Variants in EYS observed in about 807,000 individuals in gnomAD.
EYS encodes the protein protein eyes shut homolog.
In EYS, 250 loss-of-function variants were observed where a neutral mutation model predicts 282.1. The observed-to-expected ratio is 0.89, with a 90% confidence interval of 0.80 to 0.98. The LOEUF is 0.98. Among genes scored for constraint, EYS ranks in the 50% least tolerant of loss-of-function variants. EYS has a pLI of 0.00. For missense variants in EYS, 4,016 were observed against 3,709.0 expected (o/e 1.08, Z -2.15); for synonymous variants, 1,355 against 1,282.9 (o/e 1.06, Z -1.20).
intron 40 of EYS, among the ~76,000 whole-genome samples, chr6:63,774,231 C>T (rs560628553): frequency 3.3e-5 from 5 of 151,584 alleles, no homozygotes; most frequent in African/African-American, 1.2e-4. Context: ...TGCAGTGGTG[C>T]GATCTCAGCT....
At chr6:64,150,587 A>G (rs1312179439) in intron 31 of EYS, among the ~76,000 whole-genome samples, 3 of 152,230 alleles carry the variant, frequency 2.0e-5, no homozygotes, top group African/African-American at 7.2e-5. Context: ...GATTACTTAA[A>G]AAGTGAAAAT....
chr6:64,827,069 T>A (rs1206885210), intron 19 of EYS, among the ~76,000 whole-genome samples: 1 of 151,786 alleles, frequency 6.6e-6, no homozygotes, highest in Non-Finnish European at 1.5e-5. Context: ...CAAATCTGAA[T>A]CTCTGAGAAA....
chr6:64,342,500 C>T (rs1023396253), intron 29 of EYS, among the ~76,000 whole-genome samples: 1 of 151,950 alleles, frequency 6.6e-6, no homozygotes, highest in South Asian at 2.1e-4. Flanking sequence ...AAATACTTTA[C>T]AAACAAGCAA....
chr6:64,731,796 C>A (rs1771979073), intron 22 of EYS, among the ~76,000 whole-genome samples: 1 of 152,172 alleles, frequency 6.6e-6, no homozygotes, highest in Non-Finnish European at 1.5e-5. Context: ...TTTGATCCAG[C>A]AATCCCATTA....
intron 34 of EYS, among the ~76,000 whole-genome samples, chr6:63,993,073 C>G (rs925813259): frequency 1.3e-5 from 2 of 151,756 alleles, no homozygotes; most frequent in African/African-American, 4.8e-5. Context: ...CATTAACAAA[C>G]TGGAAGATAA....
chr6:64,058,928 C>CTTCA (rs1771073376), intron 33 of EYS, among the ~76,000 whole-genome samples: 4 of 57,702 alleles, frequency 6.9e-5, no homozygotes, highest in Non-Finnish European at 1.2e-4. Flanking sequence ...AATCTGGAGT[C>CTTCA]TTAGCATACA....
intron 12 of EYS, among the ~76,000 whole-genome samples, chr6:65,148,046 T>G (rs780901510): frequency 1.3e-5 from 2 of 151,980 alleles, no homozygotes; most frequent in African/African-American, 2.4e-5. Context: ...GAACCACAAT[T>G]CAAGATGAGA....
chr6:64,750,631 G>T (rs1319882072), intron 22 of EYS, among the ~76,000 whole-genome samples: 5 of 152,134 alleles, frequency 3.3e-5, no homozygotes, highest in African/African-American at 1.2e-4. Context: ...AGCATAAGAA[G>T]AATTTCTAGG....
Position 65,377,841 on chromosome 6 carries a change from C to T in EYS, c.1299+6545G>A, listed in dbSNP as rs184587653. The stretch of plus-strand genomic sequence containing the variant: ...ACATCCTCCCAGGAGGAAGAAAATC[C>T]GTAACTAAACCACGAAGAAGTCAAA... On this transcript the variant is annotated intron_variant, in intron 8 of 42. Transcript: ENST00000503581. Among the ~76,000 whole-genome samples, 350 of 151,932 alleles carry T rather than the reference C, an allele frequency of 2.3e-3. 2 individuals are homozygous for T. Among genetic ancestry groups the T allele is most frequent in the African/African-American group, 7.7e-3 (319 of 41,478 alleles).
At chr6:64,730,523 G>C (rs974614694) in intron 22 of EYS, among the ~76,000 whole-genome samples, 5 of 152,112 alleles carry the variant, frequency 3.3e-5, no homozygotes, top group Non-Finnish European at 5.9e-5. Flanking sequence ...TCTCTCGCCA[G>C]GCTGGAGTGC....
intron 41 of EYS, among the ~76,000 whole-genome samples, chr6:63,749,071 T>C (rs1383086498): frequency 1.3e-5 from 2 of 152,218 alleles, no homozygotes; most frequent in Admixed American, 6.5e-5. Context: ...TTAGTTGTGA[T>C]GTTAGGTTGT....
intron 12 of EYS, among the ~76,000 whole-genome samples, chr6:65,178,274 G>A (rs1337402283): frequency 6.6e-6 from 1 of 151,906 alleles, no homozygotes; most frequent in Non-Finnish European, 1.5e-5. Context: ...TTGCTCCCTT[G>A]CAACGTACTG....
intron 13 of EYS, among the ~76,000 whole-genome samples, chr6:65,029,483 TGAC>T (rs1442927238): frequency 1.3e-5 from 2 of 152,172 alleles, no homozygotes; most frequent in African/African-American, 2.4e-5. Context: ...TAGGTTTAAA[TGAC>T]ATGGGTCTAT....
chr6:64,896,926 G>A (rs924342439), intron 18 of EYS, among the ~76,000 whole-genome samples: 1 of 152,144 alleles, frequency 6.6e-6, no homozygotes, highest in Non-Finnish European at 1.5e-5. Context: ...TCTGGGCAGG[G>A]CATCTCTGAA....
intron 12 of EYS, among the ~76,000 whole-genome samples, chr6:65,276,566 C>T (rs931293060): frequency 6.6e-6 from 1 of 152,092 alleles, no homozygotes; most frequent in Non-Finnish European, 1.5e-5. Context: ...TGTTTTACAA[C>T]AGAGGTAAGG....
At chr6:64,197,506 T>C (rs766493926) in intron 31 of EYS, among the ~76,000 whole-genome samples, 6 of 152,202 alleles carry the variant, frequency 3.9e-5, no homozygotes, top group Non-Finnish European at 5.9e-5. Flanking sequence ...TTTGAATTCT[T>C]AAGTTCACTT....
intron 12 of EYS, among the ~76,000 whole-genome samples, chr6:65,168,305 T>C (rs973635872): frequency 7.9e-5 from 12 of 151,218 alleles, no homozygotes; most frequent in African/African-American, 2.9e-4. Context: ...TGGCTTGAAA[T>C]GGTCCTGTAG....
At chr6:63,998,789 G>A (rs1365057462) in intron 34 of EYS, among the ~76,000 whole-genome samples, 6 of 126,744 alleles carry the variant, frequency 4.7e-5, no homozygotes, top group Non-Finnish European at 8.4e-5. Flanking sequence ...CTCTGGAGCT[G>A]TCTTTTTTTT....
chr6:65,395,881 A>G (rs1766261957), intron 7 of EYS, among the ~76,000 whole-genome samples: 1 of 152,158 alleles, frequency 6.6e-6, no homozygotes, highest in African/African-American at 2.4e-5. Context: ...CAATTGCCTG[A>G]AAACCAGTAT....
Sources: gnomAD v4.1 joint callset for allele counts (sites outside exome capture counted in the v4.1 genomes callset) on GRCh38, gnomAD v4.1.1 for gene constraint, MANE v1.5 for transcripts, NCBI Gene and HGNC (gene_info 2026-07-23, HGNC 2026-07-21) for gene names.